The following SUSD4 variants were observed in gnomAD, a reference collection of about 807,000 sequenced individuals.
The protein encoded by SUSD4 is sushi domain containing 4.
Under a neutral mutation model 50.5 loss-of-function variants are expected in SUSD4, and 41 were observed. That is an observed-to-expected ratio of 0.81 (90% CI 0.63 to 1.05). The LOEUF (loss-of-function observed/expected upper bound fraction) is 1.05. Among genes scored for constraint, SUSD4 ranks in the 50% least tolerant of loss-of-function variants. The pLI is 0.00. For synonymous variants in SUSD4, 257 were observed against 257.3 expected (o/e 1.00, Z 0.01); for missense variants, 580 against 634.7 (o/e 0.91, Z 0.93).
intron 2 of SUSD4, among the ~76,000 whole-genome samples, chr1:223,322,310 A>C (rs986486765): frequency 5.9e-5 from 9 of 152,180 alleles, no homozygotes; most frequent in African/African-American, 2.2e-4. Context: ...TAAAAGGTAA[A>C]TTGTTTTCTC....
chr1:223,258,959 G>A (rs1364430287), intron 5 of SUSD4, among the ~76,000 whole-genome samples: 1 of 152,142 alleles, frequency 6.6e-6, no homozygotes, highest in Non-Finnish European at 1.5e-5. Flanking sequence ...CTCCTTCTAG[G>A]TGGCCTTCAG....
chr1:223,299,862 G>A (rs1240434596), intron 2 of SUSD4, among the ~76,000 whole-genome samples: 2 of 152,084 alleles, frequency 1.3e-5, no homozygotes, highest in African/African-American at 4.8e-5. Context: ...GCTCTCCTGG[G>A]TCTCAGGCCT....
rs372361507 is a variant in SUSD4 at position 223,292,556 on chromosome 1, G to A, written c.244C>T (p.Arg82Ter). ...GGVFFEGSVA[R>*]FHCQDGFKLK... ...TTGAATCCGTCTTGGCAGTGAAATC[G>A]GGCTACAGAGCCTTCAAAGAAAACC... Residue 82 changes from arginine to a stop codon, truncating the protein, a stop_gained, in exon 3 of 9, where the codon CGA (arginine) becomes TGA (stop). Coordinates refer to ENST00000366878, the MANE Select transcript of SUSD4 (RefSeq NM_017982.4). LOFTEE classifies it high-confidence loss of function. The A allele has an allele frequency of 1.4e-5, 23 of 1,613,956 alleles. No homozygotes were observed. The highest frequency in any genetic ancestry group is 1.7e-5 in the Non-Finnish European group (20 of 1,180,016).
chr1:223,228,646 T>C (rs544281017), intron 6 of SUSD4, among the ~76,000 whole-genome samples: 10 of 152,170 alleles, frequency 6.6e-5, no homozygotes, highest in Middle Eastern at 3.2e-3. Context: ...AAATGGCCTA[T>C]AGTTTTACAA....
chr1:223,265,986 C>T (rs1662465519), intron 4 of SUSD4, among the ~76,000 whole-genome samples: 1 of 152,188 alleles, frequency 6.6e-6, no homozygotes, highest in South Asian at 2.1e-4. Context: ...TTGTAAGTAT[C>T]TTGAAGGGAT....
chr1:223,323,249 T>G (rs1666686338), intron 2 of SUSD4, among the ~76,000 whole-genome samples: 2 of 144,968 alleles, frequency 1.4e-5, no homozygotes, highest in Non-Finnish European at 3.0e-5. Context: ...GAGGGAGGGA[T>G]GGAAGGAAAG....
Position 223,268,499 on chromosome 1 carries a change from T to C in SUSD4, c.535+3A>G, listed in dbSNP as rs1662677920. On this transcript the variant is annotated splice_donor_region_variant and intron_variant, in intron 4 of 8. Coordinates refer to ENST00000366878, the MANE Select transcript of SUSD4 (RefSeq NM_017982.4). ...GCTGAGAACTGAAGCATCAGTCCCG[T>C]ACCTTGACAGATGGGCAGATTATTC... is the stretch of plus-strand genomic sequence containing the variant. The C allele has an allele frequency of 6.2e-7, 1 of 1,612,536 alleles. No individual in the cohort carries two copies. The highest frequency in any genetic ancestry group is 8.5e-7 in the Non-Finnish European group (1 of 1,179,242).
At chr1:223,266,023 C>A (rs1274124127) in intron 4 of SUSD4, among the ~76,000 whole-genome samples, 1 of 152,152 alleles carries the variant, frequency 6.6e-6, no homozygotes, top group Admixed American at 6.5e-5. Flanking sequence ...TTGGTTGAAA[C>A]CCCAGTATAT....
At chr1:223,260,192 T>C (rs542934799) in intron 5 of SUSD4, among the ~76,000 whole-genome samples, 5 of 152,342 alleles carry the variant, frequency 3.3e-5, no homozygotes, top group African/African-American at 1.2e-4. Context: ...CCATCTGTAA[T>C]GAGGCTATTC....
At chr1:223,226,632 GCCT>G (rs1310851879) in intron 7 of SUSD4, among the ~76,000 whole-genome samples, 1 of 152,202 alleles carries the variant, frequency 6.6e-6, no homozygotes, top group Non-Finnish European at 1.5e-5. Context: ...AATTCCAGGA[GCCT>G]CCTCCTCCAT....
rs80241702 is a variant in SUSD4, at chr1:223,231,419, C to T, written c.725-2031G>A. On this transcript the variant is annotated intron_variant, in intron 5 of 8. Coordinates refer to ENST00000366878, the MANE Select transcript of SUSD4 (RefSeq NM_017982.4). The surrounding 1 kb of genome is among the most constrained non-coding windows in gnomAD (Gnocchi z 4.2). ...CTGCTGTGAGCATCCCACAGGTGGA[C>T]ACTGGCAGAGACAGGCTTTGAGCTC... Among the ~76,000 whole-genome samples the T allele has an allele frequency of 4.9e-3, 739 of 152,238 alleles. 27 individuals are homozygous for T. In the East Asian group the frequency reaches 0.11, roughly 22 times the overall value.
chr1:223,315,787 A>T (rs1666150770), intron 2 of SUSD4, among the ~76,000 whole-genome samples: 1 of 152,192 alleles, frequency 6.6e-6, no homozygotes, highest in African/African-American at 2.4e-5. Context: ...TCACTACGGC[A>T]GCTGCTCCTC....
At position 223,233,091 on chromosome 1, in the gene SUSD4, C is replaced by T. The variant is rs562200796; in HGVS notation, c.725-3703G>A. Among the ~76,000 whole-genome samples the T allele has an allele frequency of 4.6e-5, 7 of 152,314 alleles. No individual in the cohort carries two copies. In the East Asian group the frequency reaches 1.3e-3, roughly 29 times the overall value. On this transcript the variant is annotated intron_variant, in intron 5 of 8. Transcript: ENST00000366878. The stretch of plus-strand genomic sequence containing the variant: ...ACCTGGGATTGCACCAGGGAAGCCC[C>T]AAACATTCAGAGAATGTGAACACAT...
chr1:223,267,816 T>C (rs1662597164), intron 4 of SUSD4, among the ~76,000 whole-genome samples: 1 of 151,838 alleles, frequency 6.6e-6, no homozygotes, highest in Admixed American at 6.6e-5. Context: ...AATTATGCAT[T>C]GCCTTCTTGG....
At chr1:223,258,249 A>C (rs1179246177) in intron 5 of SUSD4, among the ~76,000 whole-genome samples, 1 of 152,204 alleles carries the variant, frequency 6.6e-6, no homozygotes, top group Non-Finnish European at 1.5e-5. Context: ...CTGCAAATGT[A>C]GCTTGAGAGC....
In SUSD4 at chr1:223,229,484, A is replaced by T; in HGVS notation, c.725-96T>A. The stretch of plus-strand genomic sequence containing the variant: ...GAATGGCCTAGGAGAACTCAGTTAA[A>T]AATGTGCTTATGGATTAATCACCAG... On this transcript the variant is annotated intron_variant, in intron 5 of 8. Coordinates refer to ENST00000366878, the MANE Select transcript of SUSD4 (RefSeq NM_017982.4). The surrounding 1 kb of genome is among the most constrained non-coding windows in gnomAD (Gnocchi z 4.7). 1.7e-6 allele frequency: 2 copies of T among 1,209,918 alleles called. No homozygotes were observed. The highest frequency in any genetic ancestry group is 2.2e-6 in the Non-Finnish European group (2 of 889,160). The allele number at this position is 1,209,918 out of a possible 1,614,324, so 74.9% of individuals were successfully genotyped here.
chr1:223,269,830 G>T (rs1662781225), intron 3 of SUSD4, among the ~76,000 whole-genome samples: 3 of 152,114 alleles, frequency 2.0e-5, no homozygotes, highest in African/African-American at 4.8e-5. Flanking sequence ...TCCACAATAT[G>T]GCCAGAATAG....
chr1:223,356,065 T>G (rs571124050), intron 2 of SUSD4, among the ~76,000 whole-genome samples: 1 of 152,218 alleles, frequency 6.6e-6, no homozygotes, highest in Non-Finnish European at 1.5e-5. Flanking sequence ...AATTATTTTG[T>G]TTGACTTCTC....
upstream of SUSD4, among the ~76,000 whole-genome samples, chr1:223,364,763 A>C (rs769143317): frequency 2.2e-4 from 34 of 151,910 alleles, no homozygotes; most frequent in Non-Finnish European, 4.6e-4. This position sits in a 1 kb window ranked among gnomAD's most constrained non-coding sequence, Gnocchi z 4.5. Flanking sequence ...GGCAGCTCCC[A>C]ACCCCAGAAC....
Sources: gnomAD v4.1 joint callset for allele counts (sites outside exome capture counted in the v4.1 genomes callset) on GRCh38, gnomAD v4.1.1 for gene constraint, Gnocchi (gnomAD v3.1) non-coding constraint, MANE v1.5 for transcripts, NCBI Gene and HGNC (gene_info 2026-07-23, HGNC 2026-07-21) for gene names.